Variants in ARHGAP24 observed in about 807,000 individuals in gnomAD.
The protein encoded by ARHGAP24 is Rho GTPase activating protein 24, also known as rho GTPase-activating protein 24.
Under a neutral mutation model 76.4 loss-of-function variants are expected in ARHGAP24, and 50 were observed. The ratio of observed to expected loss-of-function variants is 0.65; its 90% confidence interval spans 0.52 to 0.83. The LOEUF is 0.83. Ranked by LOEUF, ARHGAP24 falls within the 40% of genes least tolerant of loss-of-function variation. The probability of loss-of-function intolerance (pLI) is 0.00; values close to 1 mark genes in which losing one functional copy is unlikely to be tolerated. For synonymous variants in ARHGAP24, 345 were observed against 323.3 expected, an observed-to-expected ratio of 1.07 and a Z score of -0.72; for missense variants, 930 against 914.2, an observed-to-expected ratio of 1.02 and a Z score of -0.22.
intron 2 of ARHGAP24, among the ~76,000 whole-genome samples, chr4:85,603,521 G>A (rs191146280): frequency 7.7e-4 from 117 of 152,202 alleles, no homozygotes; most frequent in African/African-American, 2.8e-3. Context: ...ATAGATATTA[G>A]ATGTGTAAAG....
chr4:85,624,827 T>G (rs1473532294), intron 2 of ARHGAP24, among the ~76,000 whole-genome samples: 2 of 152,228 alleles, frequency 1.3e-5, no homozygotes. Context: ...GAGGAATTTA[T>G]CCATTTCTTC....
intron 3 of ARHGAP24, among the ~76,000 whole-genome samples, chr4:85,853,970 C>CAAAA (rs70948760): frequency 6.7e-6 from 1 of 148,290 alleles, no homozygotes; most frequent in Non-Finnish European, 1.5e-5. Context: ...AACAAAAAGA[C>CAAAA]AAAAAAAAAC....
intron 2 of ARHGAP24, among the ~76,000 whole-genome samples, chr4:85,647,099 A>G (rs1204958927): frequency 6.6e-6 from 1 of 152,066 alleles, no homozygotes; most frequent in Non-Finnish European, 1.5e-5. Flanking sequence ...AAGAGCTTAA[A>G]TTTGGAGGAC....
chr4:85,695,390 C>T (rs1448374655), intron 2 of ARHGAP24, among the ~76,000 whole-genome samples: 1 of 152,178 alleles, frequency 6.6e-6, no homozygotes, highest in Admixed American at 6.5e-5. Flanking sequence ...GTTTAGCTAA[C>T]TCCTGGTTCA....
chr4:85,709,378 T>A (rs1560595916), intron 2 of ARHGAP24, among the ~76,000 whole-genome samples: 1 of 152,134 alleles, frequency 6.6e-6, no homozygotes, highest in East Asian at 1.9e-4. Context: ...TCTCCACAGA[T>A]AAAAATAGTA....
chr4:85,935,888 G>A (rs1736605007), intron 4 of ARHGAP24, among the ~76,000 whole-genome samples: 1 of 152,134 alleles, frequency 6.6e-6, no homozygotes, highest in Non-Finnish European at 1.5e-5. Context: ...TTTGAAAAGA[G>A]TAAAGATTCT....
chr4:85,516,928 T>C (rs1414719782), intron 1 of ARHGAP24, among the ~76,000 whole-genome samples: 3 of 152,152 alleles, frequency 2.0e-5, no homozygotes, highest in Admixed American at 1.3e-4. Flanking sequence ...GATATATAAT[T>C]CATTTGTAGT....
At chr4:85,993,431 A>G (rs6531888) in intron 8 of ARHGAP24, among the ~76,000 whole-genome samples, 38,891 of 152,018 alleles carry the variant, frequency 0.26, 5,148 homozygotes, top group South Asian at 0.39. Context: ...CGAAAATATT[A>G]TAAGTTTTGA....
chr4:85,594,059 C>T (rs1006905674), intron 2 of ARHGAP24, among the ~76,000 whole-genome samples: 3 of 151,634 alleles, frequency 2.0e-5, no homozygotes, highest in Admixed American at 6.6e-5. Flanking sequence ...GACATTTTAG[C>T]GATTTTGATT....
intron 3 of ARHGAP24, among the ~76,000 whole-genome samples, chr4:85,728,939 G>A (rs1164271632): frequency 6.6e-6 from 1 of 152,194 alleles, no homozygotes; most frequent in Non-Finnish European, 1.5e-5. Context: ...ATATGAAAAT[G>A]TAGGAATGTT....
intron 8 of ARHGAP24, among the ~76,000 whole-genome samples, chr4:85,980,120 G>A (rs796506536): frequency 5.9e-5 from 9 of 152,204 alleles, no homozygotes; most frequent in African/African-American, 2.2e-4. Flanking sequence ...CTTTTAGTGG[G>A]GAAATGATAT....
Position 85,783,346 on chromosome 4 carries a change from G to T in ARHGAP24, c.268+61374G>T, listed in dbSNP as rs530126127. Among the ~76,000 whole-genome samples the T allele has an allele frequency of 3.9e-5, 6 of 152,262 alleles. No individual in the cohort carries two copies. The South Asian group carries it at 1.0e-3, about 26-fold the overall frequency. ...ATAGAACATGGCTCCTATTGTTGGG[G>T]ACCTACATTGTTTCAGTGACTTCTG... On this transcript the variant is annotated intron_variant, in intron 3 of 9. Coordinates refer to ENST00000395184, the MANE Select transcript of ARHGAP24 (RefSeq NM_001025616.3).
intron 5 of ARHGAP24, among the ~76,000 whole-genome samples, chr4:85,958,964 A>G (rs1271788060): frequency 6.6e-6 from 1 of 152,158 alleles, no homozygotes; most frequent in Non-Finnish European, 1.5e-5. Context: ...TTTGAGGTTC[A>G]TCTGTTATGG....
At chr4:85,629,224 A>T (rs1721075873) in intron 2 of ARHGAP24, among the ~76,000 whole-genome samples, 1 of 152,206 alleles carries the variant, frequency 6.6e-6, no homozygotes, top group African/African-American at 2.4e-5. Flanking sequence ...CTTCAACCAC[A>T]TACAAAAATC....
chr4:85,921,454 T>C (rs1735716669), intron 3 of ARHGAP24, among the ~76,000 whole-genome samples: 1 of 151,962 alleles, frequency 6.6e-6, no homozygotes, highest in Non-Finnish European at 1.5e-5. Context: ...ACCTGGGTGA[T>C]GAAATAATCT....
intron 2 of ARHGAP24, among the ~76,000 whole-genome samples, chr4:85,591,747 G>C (rs1403493744): frequency 6.6e-6 from 1 of 152,158 alleles, no homozygotes; most frequent in Non-Finnish European, 1.5e-5. Flanking sequence ...GGGAAAAGGA[G>C]GGAAGTGGAT....
chr4:85,830,681 T>G (rs1216927577), intron 3 of ARHGAP24, among the ~76,000 whole-genome samples: 1 of 152,208 alleles, frequency 6.6e-6, no homozygotes, highest in Non-Finnish European at 1.5e-5. Flanking sequence ...TTAACTACTA[T>G]TACTTCTAGA....
At chr4:85,955,746 A>C (rs142102074) in intron 5 of ARHGAP24, among the ~76,000 whole-genome samples, 26 of 152,342 alleles carry the variant, frequency 1.7e-4, no homozygotes, top group African/African-American at 5.8e-4. Flanking sequence ...GAAATGGGGA[A>C]AGGATAGCAG....
At chr4:85,898,757 CTTT>C (rs1211353825) in intron 3 of ARHGAP24, among the ~76,000 whole-genome samples, 1 of 150,890 alleles carries the variant, frequency 6.6e-6, no homozygotes, top group Admixed American at 6.6e-5. Flanking sequence ...ATTTTTTTTT[CTTT>C]TTTTGAGGAG....
Sources: allele counts gnomAD v4.1 joint callset (sites outside exome capture counted in the v4.1 genomes callset), GRCh38; gene constraint gnomAD v4.1.1; transcripts MANE v1.5; gene names NCBI Gene and HGNC (gene_info 2026-07-23, HGNC 2026-07-21).